Variants in CHRM3 observed in about 807,000 individuals in gnomAD.
CHRM3 encodes cholinergic receptor muscarinic 3.
CHRM3 carries 11 observed loss-of-function variants against 41.8 expected under a neutral mutation model. That is an observed-to-expected ratio of 0.26 (90% CI 0.17 to 0.44). CHRM3 has a LOEUF of 0.44. CHRM3 is among the 20% of genes least tolerant of loss of function. CHRM3 has a pLI of 1.00. For synonymous variants in CHRM3, 297 were observed against 301.4 expected, an observed-to-expected ratio of 0.99 and a Z score of 0.15; for missense variants, 571 against 745.4, an observed-to-expected ratio of 0.77 and a Z score of 2.72.
chr1:239,553,755 A>G (rs985771814), intron 3 of CHRM3, among the ~76,000 whole-genome samples: 6 of 152,164 alleles, frequency 3.9e-5, no homozygotes, highest in South Asian at 4.1e-4. Flanking sequence ...TTTTGCTTCT[A>G]TGATGGAGAT....
At chr1:239,848,420 A>T (rs1572479095) in intron 6 of CHRM3, among the ~76,000 whole-genome samples, 1 of 152,152 alleles carries the variant, frequency 6.6e-6, no homozygotes, top group African/African-American at 2.4e-5. Flanking sequence ...GGAAAACTGC[A>T]GTTGATTTTA....
intron 4 of CHRM3, among the ~76,000 whole-genome samples, chr1:239,676,296 G>A (rs1359477098): frequency 6.6e-6 from 1 of 152,174 alleles, no homozygotes; most frequent in African/African-American, 2.4e-5. Flanking sequence ...CAGACAGAAT[G>A]ACCAGTTTTT....
chr1:239,695,566 C>T (rs936042221), intron 5 of CHRM3, among the ~76,000 whole-genome samples: 10 of 152,044 alleles, frequency 6.6e-5, no homozygotes, highest in African/African-American at 1.9e-4. Flanking sequence ...CAGCTATAGT[C>T]ATTCCCTGGG....
At chr1:239,808,590 T>TTTGATAGTA (rs1558140952) in intron 5 of CHRM3, among the ~76,000 whole-genome samples, 1 of 152,022 alleles carries the variant, frequency 6.6e-6, no homozygotes, top group Non-Finnish European at 1.5e-5. Context: ...TAGCGATAGT[T>TTTGATAGTA]TTTGCCATAT....
chr1:239,391,811 C>T (rs1659058276), intron 1 of CHRM3, among the ~76,000 whole-genome samples: 1 of 152,176 alleles, frequency 6.6e-6, no homozygotes, highest in East Asian at 1.9e-4. Flanking sequence ...AAACAAAAAC[C>T]AATTTGATAA....
At chr1:239,651,186 T>A (rs1246273141) in intron 4 of CHRM3, among the ~76,000 whole-genome samples, 1 of 152,206 alleles carries the variant, frequency 6.6e-6, no homozygotes, top group Non-Finnish European at 1.5e-5. Context: ...TTAGTTTCTT[T>A]ATAAACAAAT....
In CHRM3 at chr1:239,434,093, C is replaced by A. The variant is rs750363558; in HGVS notation, c.-521+46866C>A. Among the ~76,000 whole-genome samples the A allele has an allele frequency of 4.3e-4, 66 of 152,174 alleles. 1 individual carries two copies. Among genetic ancestry groups the A allele is most frequent in the Non-Finnish European group, 3.1e-4 (21 of 68,042 alleles). Reference sequence around the variant, plus strand: ...AATTAATTCTTAATCAAGCATCAGTCCTCCAGTCTTTTCCACTCCTTCCAA... The same window carrying A: ...AATTAATTCTTAATCAAGCATCAGTACTCCAGTCTTTTCCACTCCTTCCAA... On this transcript the variant is annotated intron_variant, in intron 1 of 6. Transcript: ENST00000676153.
intron 6 of CHRM3, among the ~76,000 whole-genome samples, chr1:239,843,908 C>G (rs762632561): frequency 1.3e-5 from 2 of 151,666 alleles, no homozygotes; most frequent in East Asian, 3.9e-4. Flanking sequence ...GATATATACT[C>G]TATATAATTA....
At chr1:239,654,880 G>T (rs899575090) in intron 4 of CHRM3, among the ~76,000 whole-genome samples, 1 of 152,210 alleles carries the variant, frequency 6.6e-6, no homozygotes, top group Admixed American at 6.5e-5. Flanking sequence ...TACTGGAAAT[G>T]TAAAGGAAAG....
chr1:239,834,809 C>T (rs1405544383), intron 6 of CHRM3, among the ~76,000 whole-genome samples: 4 of 152,140 alleles, frequency 2.6e-5, no homozygotes, highest in East Asian at 1.9e-4. Flanking sequence ...TTCTACCCCA[C>T]GATCTAGTAC....
At chr1:239,894,438 A>ATTTT (rs1319270260) in intron 6 of CHRM3, among the ~76,000 whole-genome samples, 1 of 151,808 alleles carries the variant, frequency 6.6e-6, no homozygotes, top group African/African-American at 2.4e-5. Context: ...TTATTTATTT[A>ATTTT]TTTTTATTTT....
At chr1:239,587,020 A>G (rs10802776) in intron 3 of CHRM3, among the ~76,000 whole-genome samples, 126,732 of 152,166 alleles carry the variant, frequency 0.83, 54,738 homozygotes, top group Non-Finnish European at 0.93. Context: ...CCTCAAGCCT[A>G]TTCCTTCCCA....
chr1:239,873,349 T>TTTTTATTTA (rs1158108699), intron 6 of CHRM3, among the ~76,000 whole-genome samples: 5 of 152,126 alleles, frequency 3.3e-5, no homozygotes, highest in Non-Finnish European at 7.3e-5. Context: ...CTTTCTCTTT[T>TTTTTATTTA]TTTTTATTTA....
chr1:239,584,309 G>A (rs1351598880), intron 3 of CHRM3, among the ~76,000 whole-genome samples: 2 of 151,898 alleles, frequency 1.3e-5, no homozygotes, highest in African/African-American at 4.8e-5. Context: ...TTGCCATGCT[G>A]GCCAGGCTGG....
At position 239,631,564 on chromosome 1, in the gene CHRM3, GTTC is replaced by G. The variant is rs972711243; in HGVS notation, c.-312-655_-312-653del. ...TCCTTCACAATGCCACAGTTCCCCT[GTTC>G]TTCTGCAAAGCCTGGCACTTCTTTT... On this transcript the variant is annotated intron_variant, in intron 3 of 6. Coordinates refer to ENST00000676153, the MANE Select transcript of CHRM3 (RefSeq NM_001375978.1). Among the ~76,000 whole-genome samples the G allele has an allele frequency of 4.6e-5, 7 of 152,264 alleles. No homozygotes were observed. In the East Asian group the frequency reaches 5.8e-4, roughly 13 times the overall value.
chr1:239,549,509 A>T (rs1175561972), intron 3 of CHRM3, among the ~76,000 whole-genome samples: 1 of 151,034 alleles, frequency 6.6e-6, no homozygotes, highest in Non-Finnish European at 1.5e-5. Context: ...AAAAAAAAAA[A>T]AAATAGCCAG....
chr1:239,885,278 G>A (rs1347867503), intron 6 of CHRM3, among the ~76,000 whole-genome samples: 1 of 152,108 alleles, frequency 6.6e-6, no homozygotes, highest in African/African-American at 2.4e-5. Context: ...TGAATCACCT[G>A]GAAGGAAGGC....
chr1:239,560,686 A>ATG (rs1016143661), intron 3 of CHRM3, among the ~76,000 whole-genome samples: 44 of 152,016 alleles, frequency 2.9e-4, no homozygotes, highest in Admixed American at 1.5e-3. Flanking sequence ...ATATATATAT[A>ATG]TGTGTGTGTG....
At chr1:239,572,639 A>G (rs938869019) in intron 3 of CHRM3, among the ~76,000 whole-genome samples, 1 of 152,238 alleles carries the variant, frequency 6.6e-6, no homozygotes, top group Non-Finnish European at 1.5e-5. Context: ...GGTATTTGCC[A>G]TATTGTAACC....
Sources: gnomAD v4.1 joint callset for allele counts (sites outside exome capture counted in the v4.1 genomes callset) on GRCh38, gnomAD v4.1.1 for gene constraint, MANE v1.5 for transcripts, NCBI Gene and HGNC (gene_info 2026-07-23, HGNC 2026-07-21) for gene names.